Variants in LEPR observed in about 807,000 individuals in gnomAD.
LEPR encodes OB receptor.
Under a neutral mutation model 114.7 loss-of-function variants are expected in LEPR, and 56 were observed. The observed-to-expected ratio is 0.49, with a 90% CI of 0.39 to 0.61. The LOEUF is 0.61. LEPR is among the 20% of genes least tolerant of loss of function. The pLI is 0.00. For synonymous variants in LEPR, 443 were observed against 461.4 expected (o/e 0.96, Z 0.51); for missense variants, 1,202 against 1,352.9 (o/e 0.89, Z 1.75).
In LEPR at chr1:65,633,368, T is replaced by A; in HGVS notation, c.2674-2823T>A. The A allele has an allele frequency of 7.4e-7, 1 of 1,347,276 alleles. No homozygotes were observed. The highest frequency in any genetic ancestry group is 9.5e-7 in the Non-Finnish European group (1 of 1,051,474). 83.5% of individuals were successfully genotyped at this position (1,347,276 alleles called of 1,614,324 possible). A position where few individuals can be genotyped will look rare whatever the true frequency, so the allele number is the denominator to read the frequency against. On this transcript the variant is annotated intron_variant, in intron 19 of 19. Coordinates refer to ENST00000349533, the MANE Select transcript of LEPR (RefSeq NM_002303.6). The surrounding 1 kb of genome is among the most constrained non-coding windows in gnomAD (Gnocchi z 4.1). Reference sequence around the variant, plus strand: ...TGTAAATTTGGGTTCAAAATGTAGATTTGAGTCCAGTTTGGATGTGTGATT... The same window carrying A: ...TGTAAATTTGGGTTCAAAATGTAGAATTGAGTCCAGTTTGGATGTGTGATT...
chr1:65,572,156 G>A (rs983936412), intron 4 of LEPR, among the ~76,000 whole-genome samples, 170 bp from the exon 5 acceptor site: 1 of 151,678 alleles, frequency 6.6e-6, no homozygotes, highest in African/African-American at 2.4e-5. Context: ...ATGGGCAAAC[G>A]CATGCCACTA....
At chr1:65,604,990 T>C (rs764459884) in intron 10 of LEPR, 48 bp from the exon 11 acceptor site, 14 of 1,599,760 alleles carry the variant, frequency 8.8e-6, no homozygotes, top group Non-Finnish European at 1.1e-5. Context: ...TATCTTCTTG[T>C]TGCTTTTATT....
chr1:65,446,509 C>T (rs1189045413), intron 2 of LEPR, among the ~76,000 whole-genome samples: 3 of 152,146 alleles, frequency 2.0e-5, no homozygotes, highest in South Asian at 4.1e-4. Flanking sequence ...GTTTTATCAG[C>T]GAGGTCCCTT....
intron 17 of LEPR, 85 bp from the exon 18 acceptor site, chr1:65,621,268 A>G: frequency 1.7e-6 from 2 of 1,161,000 alleles, no homozygotes; most frequent in Non-Finnish European, 1.3e-6. Context: ...ATGAATTCAG[A>G]AAATGTCTAC....
chr1:65,547,690 T>C (rs1300981689), intron 2 of LEPR, among the ~76,000 whole-genome samples: 1 of 150,764 alleles, frequency 6.6e-6, no homozygotes, highest in Admixed American at 6.6e-5. Context: ...TATTTGATTC[T>C]TCTCTCTTTT....
intron 10 of LEPR, among the ~76,000 whole-genome samples, chr1:65,604,546 G>C (rs1482684329): frequency 1.3e-5 from 2 of 152,004 alleles, no homozygotes; most frequent in African/African-American, 4.8e-5. Flanking sequence ...GGAACTCCTG[G>C]GCTCAAGTGA....
chr1:65,494,638 T>G (rs1648058302), intron 2 of LEPR, among the ~76,000 whole-genome samples: 1 of 152,146 alleles, frequency 6.6e-6, no homozygotes, highest in South Asian at 2.1e-4. Context: ...AAATTTAAAT[T>G]GGACTTAGGC....
chr1:65,499,230 G>A (rs1215091987), intron 2 of LEPR, among the ~76,000 whole-genome samples: 1 of 152,022 alleles, frequency 6.6e-6, no homozygotes, highest in East Asian at 1.9e-4. Context: ...TAGGAAAGAT[G>A]GGGGGAAATA....
At chr1:65,472,182 A>G (rs1351168063) in intron 2 of LEPR, among the ~76,000 whole-genome samples, 1 of 150,940 alleles carries the variant, frequency 6.6e-6, no homozygotes, top group African/African-American at 2.5e-5. Flanking sequence ...GTATTACCAA[A>G]CATCCGTTTT....
chr1:65,478,848 A>G (rs116102541), intron 2 of LEPR, among the ~76,000 whole-genome samples: 1 of 152,070 alleles, frequency 6.6e-6, no homozygotes, highest in Non-Finnish European at 1.5e-5. Context: ...TGGAAACTGT[A>G]CTCACCCCAC....
At chr1:65,574,334 A>AC (rs1252318829) in intron 5 of LEPR, among the ~76,000 whole-genome samples, 1 of 152,252 alleles carries the variant, frequency 6.6e-6, no homozygotes, top group Admixed American at 6.5e-5. Flanking sequence ...CCAACATGGC[A>AC]CATGTATACA....
intron 2 of LEPR, chr1:65,526,037 G>A: frequency 2.2e-6 from 2 of 901,564 alleles, no homozygotes; most frequent in Non-Finnish European, 2.7e-6. Flanking sequence ...CTCGGCTCCC[G>A]TGGGGCGAGG....
At chr1:65,547,401 C>T (rs1162342954) in intron 2 of LEPR, among the ~76,000 whole-genome samples, 2 of 152,038 alleles carry the variant, frequency 1.3e-5, no homozygotes, top group Non-Finnish European at 2.9e-5. Context: ...CCTCCTTGTA[C>T]CTCTGGTAGA....
chr1:65,613,887 A>T (rs941549233), intron 14 of LEPR, among the ~76,000 whole-genome samples: 1 of 151,938 alleles, frequency 6.6e-6, no homozygotes, highest in African/African-American at 2.4e-5. Flanking sequence ...GCAAATTAAA[A>T]CAAGATACCA....
chr1:65,437,850 G>A (rs560846427), intron 2 of LEPR, among the ~76,000 whole-genome samples: 1 of 147,292 alleles, frequency 6.8e-6, no homozygotes, highest in African/African-American at 2.5e-5. Context: ...TCCTTCTGTT[G>A]CCCAGGCTAG....
intron 2 of LEPR, among the ~76,000 whole-genome samples, chr1:65,554,669 C>G (rs1270230482): frequency 6.6e-6 from 1 of 152,150 alleles, no homozygotes; most frequent in Non-Finnish European, 1.5e-5. Flanking sequence ...ATCCGCTGAG[C>G]TAGACCATTT....
At chr1:65,428,968 A>G (rs1326778500) in intron 2 of LEPR, among the ~76,000 whole-genome samples, 2 of 152,052 alleles carry the variant, frequency 1.3e-5, no homozygotes, top group Non-Finnish European at 2.9e-5. Flanking sequence ...GAGCATATTT[A>G]TTTTCATGCC....
At chr1:65,636,135 TAATG>T in intron 19 of LEPR, 52 bp from the exon 20 acceptor site, 1 of 1,606,902 alleles carries the variant, frequency 6.2e-7, no homozygotes, top group Non-Finnish European at 8.5e-7. Context: ...CAGTATGACA[TAATG>T]AAGCAAAATT....
At chr1:65,549,037 G>A (rs1272325586) in intron 2 of LEPR, among the ~76,000 whole-genome samples, 1 of 151,426 alleles carries the variant, frequency 6.6e-6, no homozygotes, top group Non-Finnish European at 1.5e-5. Context: ...TTGCTTGTCT[G>A]TAAAGTATTT....
Sources: allele counts gnomAD v4.1 joint callset (sites outside exome capture counted in the v4.1 genomes callset), GRCh38; gene constraint gnomAD v4.1.1; non-coding constraint Gnocchi (gnomAD v3.1); transcripts MANE v1.5; gene names NCBI Gene and HGNC (gene_info 2026-07-23, HGNC 2026-07-21).